CDK13: variants seen among roughly 807,000 people sequenced by gnomAD.
The protein encoded by CDK13 is cyclin dependent kinase 13, also known as cyclin-dependent kinase 13.
In CDK13, 40 loss-of-function variants were observed where a neutral mutation model predicts 137.6. The observed-to-expected ratio is 0.29, with a 90% CI of 0.23 to 0.38. CDK13 has a LOEUF of 0.38. Ranked by LOEUF, CDK13 falls within the 10% of genes least tolerant of loss-of-function variation. CDK13 has a pLI of 1.00. For missense variants in CDK13, 1,704 were observed against 1,951.8 expected, an observed-to-expected ratio of 0.87 and a Z score of 2.39; for synonymous variants, 869 against 760.1, an observed-to-expected ratio of 1.14 and a Z score of -2.36.
intron 1 of CDK13, 155 bp downstream of exon 1, chr7:39,952,007 G>A: frequency 2.7e-6 from 2 of 754,190 alleles, no homozygotes; most frequent in South Asian, 6.9e-5. Flanking sequence ...AGGCGTTTTC[G>A]CGCGCGTGAC....
At chr7:40,023,862 T>C (rs1785182767) in intron 5 of CDK13, among the ~76,000 whole-genome samples, 1 of 152,222 alleles carries the variant, frequency 6.6e-6, no homozygotes, top group Non-Finnish European at 1.5e-5. Context: ...CTCAGATTTA[T>C]GGTCAACAAA....
chr7:40,088,941 G>A (rs368997769), intron 12 of CDK13, among the ~76,000 whole-genome samples: 1 of 151,972 alleles, frequency 6.6e-6, no homozygotes, highest in Non-Finnish European at 1.5e-5. Flanking sequence ...TTAGCCGGGC[G>A]TGGTGGCACA....
chr7:39,975,023 A>G (rs1024742063), intron 1 of CDK13, among the ~76,000 whole-genome samples: 19 of 152,028 alleles, frequency 1.2e-4, no homozygotes, highest in African/African-American at 4.6e-4. Flanking sequence ...GGCTAGTTTT[A>G]TTTTTTAATA....
intron 11 of CDK13, among the ~76,000 whole-genome samples, chr7:40,079,826 G>T (rs757889039): frequency 1.3e-5 from 2 of 152,170 alleles, no homozygotes; most frequent in Admixed American, 1.3e-4. Flanking sequence ...GAAATATATA[G>T]AGTTTGGGAG....
intron 1 of CDK13, chr7:39,987,026 G>A (rs1441808413): frequency 5.3e-5 from 8 of 152,142 alleles, no homozygotes; most frequent in African/African-American, 1.9e-4. Context: ...TCCTGACCTC[G>A]TGATCCGCCC....
At chr7:40,069,227 C>A in intron 9 of CDK13, 1 of 425,928 alleles carries the variant, frequency 2.3e-6, no homozygotes, top group Non-Finnish European at 4.7e-6. Context: ...AGAGCGAGAC[C>A]TTGTCTCAAA....
At chr7:39,976,567 C>G (rs914918277) in intron 1 of CDK13, among the ~76,000 whole-genome samples, 12 of 151,854 alleles carry the variant, frequency 7.9e-5, no homozygotes, top group Non-Finnish European at 1.5e-4. Flanking sequence ...ACAGTCATGT[C>G]CCCAGTTTTC....
intron 1 of CDK13, among the ~76,000 whole-genome samples, chr7:39,968,123 T>C (rs887549149): frequency 6.6e-6 from 1 of 152,232 alleles, no homozygotes; most frequent in African/African-American, 2.4e-5. Flanking sequence ...TGCTAATATA[T>C]TTTGAATATT....
chr7:40,047,117 T>A (rs1170178864), intron 6 of CDK13, among the ~76,000 whole-genome samples: 1 of 151,996 alleles, frequency 6.6e-6, no homozygotes, highest in South Asian at 2.1e-4. Flanking sequence ...TGTGAATGGA[T>A]CATCTGATAA....
chr7:40,046,761 G>A (rs929554719), intron 6 of CDK13, among the ~76,000 whole-genome samples: 9 of 151,238 alleles, frequency 6.0e-5, no homozygotes, highest in Admixed American at 2.0e-4. Flanking sequence ...CAACACTTTG[G>A]GAGGATGAGG....
chr7:39,988,633 A>AT, intron 2 of CDK13, among the ~76,000 whole-genome samples: 1 of 152,256 alleles, frequency 6.6e-6, no homozygotes, highest in East Asian at 1.9e-4. Context: ...CATTTGTCTC[A>AT]TTTATTTCTA....
At position 40,078,774 on chromosome 7, in the gene CDK13, T is replaced by C. The variant is rs1786600482; in HGVS notation, c.2952T>C (p.Ser984=). Residue 984 remains serine, a synonymous_variant, in exon 11 of 14, where the codon AGT becomes AGC. Transcript: ENST00000181839. Reference sequence around the variant, plus strand: ...ATTACATGCTTGCCTTGGATCCTAGTAAGCGCTGCACTGCTGAACAGGCTC... The same window carrying C: ...ATTACATGCTTGCCTTGGATCCTAGCAAGCGCTGCACTGCTGAACAGGCTC... ...LFDYMLALDP[S]KRCTAEQALQ... is the part of the protein sequence containing the mutation. 6.4e-7 allele frequency: 1 copy of C among 1,552,682 alleles called. No individual in the cohort carries two copies. Among genetic ancestry groups the C allele is most frequent in the Admixed American group, 1.8e-5 (1 of 54,220 alleles).
intron 5 of CDK13, among the ~76,000 whole-genome samples, chr7:40,002,901 C>CAA (rs35726478): frequency 1.5e-4 from 11 of 73,854 alleles, no homozygotes; most frequent in Admixed American, 7.7e-4. Flanking sequence ...CCCATCTCTA[C>CAA]AAAAAAAAAA....
intron 7 of CDK13, among the ~76,000 whole-genome samples, chr7:40,057,668 T>C (rs1321139302): frequency 6.6e-6 from 1 of 152,184 alleles, no homozygotes; most frequent in Non-Finnish European, 1.5e-5. Flanking sequence ...CAGAGATGCA[T>C]TTTTTAGCAA....
At chr7:40,075,008 A>G (rs1042466823) in intron 9 of CDK13, among the ~76,000 whole-genome samples, 1 of 152,134 alleles carries the variant, frequency 6.6e-6, no homozygotes, top group African/African-American at 2.4e-5. Flanking sequence ...TGGCGGTTGA[A>G]TCCTAGCAGG....
intron 1 of CDK13, among the ~76,000 whole-genome samples, chr7:39,960,828 GC>G (rs1423001961): frequency 1.3e-5 from 2 of 151,906 alleles, no homozygotes; most frequent in East Asian, 3.9e-4. Context: ...GCCCACCTTG[GC>G]CTGTCAAAGT....
chr7:39,997,801 G>A, intron 3 of CDK13, 137 bp downstream of exon 3: 2 of 644,356 alleles, frequency 3.1e-6, no homozygotes, highest in Non-Finnish European at 5.1e-6. Context: ...AATTCTATTA[G>A]AGTTTTGAAA....
intron 5 of CDK13, among the ~76,000 whole-genome samples, chr7:40,014,103 C>G (rs1159658931): frequency 9.2e-6 from 1 of 108,620 alleles, no homozygotes; most frequent in African/African-American, 3.7e-5. Flanking sequence ...GCATTTCACT[C>G]TATTGCCCAG....
At chr7:39,954,481 A>G (rs1787344214) in intron 1 of CDK13, among the ~76,000 whole-genome samples, 1 of 151,780 alleles carries the variant, frequency 6.6e-6, no homozygotes, top group Non-Finnish European at 1.5e-5. Context: ...CTTATCCATC[A>G]TTGTATTTCT....
Sources: allele counts gnomAD v4.1 joint callset (sites outside exome capture counted in the v4.1 genomes callset), GRCh38; gene constraint gnomAD v4.1.1; transcripts MANE v1.5; gene names NCBI Gene and HGNC (gene_info 2026-07-23, HGNC 2026-07-21).